The following CLASP1 variants were observed in gnomAD, a reference collection of about 807,000 sequenced individuals.
CLASP1 encodes the protein cytoplasmic linker associated protein 1.
In CLASP1, 38 loss-of-function variants were observed where a neutral mutation model predicts 192.3. The ratio of observed to expected loss-of-function variants is 0.20; its 90% CI spans 0.15 to 0.26. CLASP1 has a LOEUF of 0.26. Ranked by LOEUF, CLASP1 falls within the 10% of genes least tolerant of loss-of-function variation. The pLI, the probability that CLASP1 is intolerant of heterozygous loss-of-function variation, is 1.00. For missense variants in CLASP1, 1,433 were observed against 1,932.5 expected (o/e 0.74, Z 4.85); for synonymous variants, 691 against 712.8 (o/e 0.97, Z 0.49).
intron 2 of CLASP1, among the ~76,000 whole-genome samples, chr2:121,538,739 T>G (rs1273789819): frequency 6.6e-6 from 1 of 150,882 alleles, no homozygotes; most frequent in East Asian, 2.0e-4. Context: ...GAGCCAAGAT[T>G]GCGCCTCTGC....
chr2:121,622,740 T>C (rs1007689532), intron 1 of CLASP1, among the ~76,000 whole-genome samples: 4 of 152,212 alleles, frequency 2.6e-5, no homozygotes, highest in African/African-American at 7.2e-5. Context: ...TCCCGTATTC[T>C]GCAACTTTGA....
intron 1 of CLASP1, among the ~76,000 whole-genome samples, chr2:121,623,785 C>T (rs1176798366): frequency 6.6e-6 from 1 of 152,116 alleles, no homozygotes; most frequent in Non-Finnish European, 1.5e-5. Flanking sequence ...GAGGCAAACG[C>T]TGCAGTGAGC....
chr2:121,501,619 G>A (rs1304313897), intron 8 of CLASP1, among the ~76,000 whole-genome samples: 10 of 152,084 alleles, frequency 6.6e-5, no homozygotes, highest in African/African-American at 2.4e-4. Flanking sequence ...GAAATAAGGA[G>A]GATTAATGAA....
intron 8 of CLASP1, among the ~76,000 whole-genome samples, chr2:121,474,569 T>C (rs1189168234): frequency 6.6e-6 from 1 of 152,110 alleles, no homozygotes; most frequent in Admixed American, 6.5e-5. Context: ...ACCCCGTCTC[T>C]ACTAAACATA....
intron 8 of CLASP1, among the ~76,000 whole-genome samples, chr2:121,494,366 T>A (rs1013779453): frequency 2.6e-5 from 4 of 152,198 alleles, no homozygotes; most frequent in African/African-American, 9.7e-5. Context: ...CTTCATATGT[T>A]CTCACTCATT....
chr2:121,352,256 C>A (rs976679896), intron 37 of CLASP1, among the ~76,000 whole-genome samples: 5 of 152,272 alleles, frequency 3.3e-5, no homozygotes, highest in Admixed American at 1.3e-4. Flanking sequence ...GCCTGCCCTG[C>A]CTCTGCCTCG....
intron 2 of CLASP1, among the ~76,000 whole-genome samples, chr2:121,576,668 G>A (rs1469406364): frequency 2.6e-5 from 4 of 152,144 alleles, no homozygotes; most frequent in Non-Finnish European, 4.4e-5. Flanking sequence ...AAATGAAATG[G>A]AACACCAAGT....
At chr2:121,586,374 A>G (rs6713214) in intron 2 of CLASP1, among the ~76,000 whole-genome samples, 35,050 of 152,006 alleles carry the variant, frequency 0.23, 6,053 homozygotes, top group African/African-American at 0.48. Context: ...TGATCCACCC[A>G]CCTCAGCTTC....
In CLASP1 at chr2:121,531,119, C is replaced by A. The variant is rs771773278; in HGVS notation, c.196-794G>T. 12 of 627,794 alleles carry A rather than the reference C, an allele frequency of 1.9e-5. No individual in the cohort carries two copies. In the Admixed American group the frequency reaches 2.6e-4, roughly 13 times the overall value. The allele number at this position is 627,794 out of a possible 1,614,324, so 38.9% of individuals were successfully genotyped here. ...TGCACAAGACGCGTGGTTTTAGTGT[C>A]GCAAGTAAAGTTCTTTCAGTTTTTG... On this transcript the variant is annotated intron_variant, in intron 2 of 39. Transcript: ENST00000263710.
At position 121,403,359 on chromosome 2, in the gene CLASP1, T is replaced by C. The variant is rs78967172; in HGVS notation, c.2733+1012A>G. The C allele has an allele frequency of 2.9e-3, 1,302 of 455,858 alleles. 17 individuals are homozygous for C. The highest frequency in any genetic ancestry group is 0.023 in the African/African-American group (1,174 of 50,150). 28.2% of individuals were successfully genotyped at this position (455,858 alleles called of 1,614,324 possible). ...AGGTACTCAGTAAATGTTAAATGACTGGGTGAATGAATGGGTGGATGGATG... is the reference window on the plus strand; with the variant it reads ...AGGTACTCAGTAAATGTTAAATGACCGGGTGAATGAATGGGTGGATGGATG... On this transcript the variant is annotated intron_variant, in intron 26 of 39. Transcript: ENST00000263710.
In CLASP1 at chr2:121,633,007, C is replaced by CATATATATATATATATATATATAT. The variant is rs71398038; in HGVS notation, c.-286+16364_-286+16365insATATATATATATATATATATATAT. On this transcript the variant is annotated intron_variant, in intron 1 of 39. Coordinates refer to ENST00000263710, the Ensembl canonical transcript of CLASP1. ...GTGTGTATATATATGTATGTGTGTG[C>CATATATATATATATATATATATAT]ATATATATATATATATATATAGGCT... is the stretch of plus-strand genomic sequence containing the variant. Among the ~76,000 whole-genome samples the CATATATATATATATATATATATAT allele has an allele frequency of 5.5e-4, 63 of 115,532 alleles. 1 individual carries two copies. Among genetic ancestry groups the CATATATATATATATATATATATAT allele is most frequent in the African/African-American group, 1.8e-3 (47 of 26,496 alleles). 75.8% of individuals were successfully genotyped at this position (115,532 alleles called of 152,430 possible).
chr2:121,500,681 A>G (rs2093724988), intron 8 of CLASP1, among the ~76,000 whole-genome samples: 1 of 152,208 alleles, frequency 6.6e-6, no homozygotes, highest in Admixed American at 6.5e-5. Context: ...CTGTAAAGAG[A>G]TGAAAATCAT....
At chr2:121,495,481 T>C (rs2093492089) in intron 8 of CLASP1, among the ~76,000 whole-genome samples, 2 of 151,706 alleles carry the variant, frequency 1.3e-5, no homozygotes, top group Admixed American at 1.3e-4. Flanking sequence ...ACCAACATGG[T>C]GAAACCCCGT....
At chr2:121,427,338 A>G (rs2080587172) in intron 21 of CLASP1, 66 bp downstream of exon 21, 5 of 1,557,726 alleles carry the variant, frequency 3.2e-6, no homozygotes, top group Non-Finnish European at 4.4e-6. Flanking sequence ...TGTGCAAGGA[A>G]CATGGGGTCG....
intron 33 of CLASP1, among the ~76,000 whole-genome samples, chr2:121,381,930 G>A (rs1363605990): frequency 6.6e-6 from 1 of 152,100 alleles, no homozygotes; most frequent in African/African-American, 2.4e-5. Context: ...GCTGAGCACT[G>A]CACTGTACAG....
At chr2:121,441,870 T>A (rs925778019) in intron 19 of CLASP1, among the ~76,000 whole-genome samples, 4 of 152,240 alleles carry the variant, frequency 2.6e-5, no homozygotes, top group Non-Finnish European at 5.9e-5. Flanking sequence ...AAATTCACAG[T>A]TCTTGGATAA....
chr2:121,534,497 T>C (rs1429463677), intron 2 of CLASP1, among the ~76,000 whole-genome samples: 2 of 152,212 alleles, frequency 1.3e-5, no homozygotes, highest in Admixed American at 6.5e-5. Flanking sequence ...CCTAATAATC[T>C]AGTCCTCGGA....
At chr2:121,379,355 A>G (rs1196603078) in intron 33 of CLASP1, among the ~76,000 whole-genome samples, 1 of 152,152 alleles carries the variant, frequency 6.6e-6, no homozygotes, top group African/African-American at 2.4e-5. Context: ...AGAATTTAAG[A>G]TTTCAACCTC....
intron 2 of CLASP1, among the ~76,000 whole-genome samples, chr2:121,575,245 A>C (rs2105470725): frequency 6.6e-6 from 1 of 151,740 alleles, no homozygotes; most frequent in Non-Finnish European, 1.5e-5. Flanking sequence ...CTGAGTAGCT[A>C]GGATTAGACG....
Sources: gnomAD v4.1 joint callset for allele counts (sites outside exome capture counted in the v4.1 genomes callset) on GRCh38, gnomAD v4.1.1 for gene constraint, MANE v1.5 for transcripts, NCBI Gene and HGNC (gene_info 2026-07-23, HGNC 2026-07-21) for gene names.